Variants in GLUD1 observed in about 807,000 individuals in gnomAD.
GLUD1 encodes glutamate dehydrogenase 1, mitochondrial.
GLUD1 carries 22 observed loss-of-function variants against 56.0 expected under a neutral mutation model. The observed-to-expected ratio is 0.39, with a 90% CI of 0.28 to 0.56. The LOEUF is 0.56. Among genes scored for constraint, GLUD1 ranks in the 20% least tolerant of loss-of-function variants. The pLI is 0.58. For synonymous variants in GLUD1, 223 were observed against 269.9 expected (o/e 0.83, Z 1.70); for missense variants, 451 against 732.0 (o/e 0.62, Z 4.43).
At position 87,070,683 on chromosome 10, in the gene GLUD1, A is replaced by G. The variant is rs115878141; in HGVS notation, c.647-2526T>C. Among the ~76,000 whole-genome samples, 875 of 152,190 alleles carry G rather than the reference A, an allele frequency of 5.7e-3. 8 individuals are homozygous for G. The highest frequency in any genetic ancestry group is 0.019 in the African/African-American group (776 of 41,568). On this transcript the variant is annotated intron_variant, in intron 4 of 12. Transcript: ENST00000277865. ...GAAACACATGGTTTGTAAATCAGAA[A>G]CACGTAATGATAAAATCCTTCTCAA...
At chr10:87,060,573 G>C (rs909310506) in intron 8 of GLUD1, 115 bp downstream of exon 8, 1 of 1,233,934 alleles carries the variant, frequency 8.1e-7, no homozygotes, top group Non-Finnish European at 1.2e-6. Context: ...GGTATGTGCA[G>C]TATGTGCCAA....
At chr10:87,092,656 T>C (rs1282181029) in intron 1 of GLUD1, 1 of 969,190 alleles carries the variant, frequency 1.0e-6, no homozygotes, top group African/African-American at 1.8e-5. Context: ...GCTGGGCATC[T>C]GAAGAATCGA....
At chr10:87,059,007 TAA>T (rs2133791837) in intron 10 of GLUD1, 141 bp downstream of exon 10, 2 of 971,582 alleles carry the variant, frequency 2.1e-6, no homozygotes, top group East Asian at 4.8e-5. Context: ...ATTTTTGGTC[TAA>T]GTTTCATGAG....
At chr10:87,089,651 G>C in intron 1 of GLUD1, 1 of 984,454 alleles carries the variant, frequency 1.0e-6, no homozygotes, top group Non-Finnish European at 1.2e-6. Flanking sequence ...AAAGATAATC[G>C]GAAGGTCTTG....
chr10:87,068,243 A>G, intron 4 of GLUD1, 86 bp from the exon 5 acceptor site: 1 of 805,322 alleles, frequency 1.2e-6, no homozygotes, highest in Non-Finnish European at 2.2e-6. Flanking sequence ...TCTCTGTAAT[A>G]ACCAAGTTAC....
At chr10:87,073,655 G>T (rs1486738029) in intron 4 of GLUD1, among the ~76,000 whole-genome samples, 4 of 106,828 alleles carry the variant, frequency 3.7e-5, no homozygotes, top group African/African-American at 1.5e-4. Context: ...GTCTCGCTCT[G>T]TTGCCCAGGC....
chr10:87,094,194 C>A lies in GLUD1; in HGVS notation c.445+131G>T. ...GCCGGCCACATCCGAGGCGGGGTGA[C>A]CCGGGCGGGGACCCGGCCCGCTCCA... On this transcript the variant is annotated intron_variant, in intron 1 of 12. Transcript: ENST00000277865. This position sits in a 1 kb window ranked among gnomAD's most constrained non-coding sequence, Gnocchi z 6.6. 2 of 1,389,904 alleles carry A rather than the reference C, an allele frequency of 1.4e-6. No individual in the cohort carries two copies. The highest frequency in any genetic ancestry group is 2.9e-5 in the South Asian group (2 of 68,642). 86.1% of individuals were successfully genotyped at this position (1,389,904 alleles called of 1,614,324 possible).
chr10:87,094,702 G>T lies in GLUD1; in HGVS notation c.68C>A (p.Ser23Tyr). Residue 23 changes from serine to tyrosine, a missense_variant, in exon 1 of 13, where the codon TCC (serine) becomes TAC (tyrosine). Around this residue, in one of 4 missense-constraint regions of GLUD1, gnomAD observed 158 missense variants for 189.7 expected, o/e 0.83. Coordinates refer to ENST00000277865, the MANE Select transcript of GLUD1 (RefSeq NM_005271.5). This position sits in a 1 kb window ranked among gnomAD's most constrained non-coding sequence, Gnocchi z 6.6. The stretch of plus-strand genomic sequence containing the variant: ...GCCCAGCAACGCGGCCGAGTCGGCG[G>T]ACGCCGAGCCCAGGGCAGCGGGCCC... ...RAGPAALGSA[S>Y]ADSAALLGWA... The T allele has an allele frequency of 6.7e-7, 1 of 1,498,916 alleles. No individual in the cohort carries two copies. The highest frequency in any genetic ancestry group is 1.3e-5 in the South Asian group (1 of 79,860). 92.9% of individuals were successfully genotyped at this position (1,498,916 alleles called of 1,614,324 possible). A position where few individuals can be genotyped will look rare whatever the true frequency, so the allele number is the denominator to read the frequency against.
Position 87,074,540 on chromosome 10 carries a change from G to A in GLUD1, c.646+11C>T, listed in dbSNP as rs775249187. The A allele has an allele frequency of 6.6e-7, 1 of 1,509,072 alleles. No homozygotes were observed. The highest frequency in any genetic ancestry group is 1.7e-5 in the Admixed American group (1 of 59,886). 93.5% of individuals were successfully genotyped at this position (1,509,072 alleles called of 1,614,324 possible). On this transcript the variant is annotated intron_variant, in intron 4 of 12. Coordinates refer to ENST00000277865, the MANE Select transcript of GLUD1 (RefSeq NM_005271.5). The stretch of plus-strand genomic sequence containing the variant: ...CCCACTTTATACCAAAAACTATGTG[G>A]CTACACATACCAATAAAGCCCTTTT...
intron 1 of GLUD1, among the ~76,000 whole-genome samples, chr10:87,080,363 G>A (rs538203840): frequency 2.6e-5 from 4 of 151,892 alleles, no homozygotes; most frequent in East Asian, 2.0e-4. Context: ...CCGCCACCCC[G>A]TCTAGGAAGT....
At chr10:87,069,650 T>C (rs933900451) in intron 4 of GLUD1, among the ~76,000 whole-genome samples, 1 of 152,178 alleles carries the variant, frequency 6.6e-6, no homozygotes, top group Non-Finnish European at 1.5e-5. Context: ...TTGTAATGTT[T>C]TTCTATAACT....
chr10:87,094,832 G>T lies in GLUD1; in HGVS notation c.-63C>A, dbSNP rs1841691129. ...ACAGGCGCGCTTTCTCAGACTCCCC[G>T]CGACTAGGGAGGAAGGGTCCCGCGC... is the stretch of plus-strand genomic sequence containing the variant. On this transcript the variant is annotated 5_prime_UTR_variant, in exon 1 of 13. Coordinates refer to ENST00000277865, the MANE Select transcript of GLUD1 (RefSeq NM_005271.5). The surrounding 1 kb of genome is among the most constrained non-coding windows in gnomAD (Gnocchi z 6.6). 4 of 1,303,592 alleles carry T rather than the reference G, an allele frequency of 3.1e-6. No individual in the cohort carries two copies. Among genetic ancestry groups the T allele is most frequent in the Non-Finnish European group, 3.2e-6 (3 of 948,822 alleles). The allele number at this position is 1,303,592 out of a possible 1,614,324, so 80.8% of individuals were successfully genotyped here. A position where few individuals can be genotyped will look rare whatever the true frequency, so the allele number is the denominator to read the frequency against.
At chr10:87,063,067 T>C (rs1367200994) in intron 5 of GLUD1, among the ~76,000 whole-genome samples, 1 of 119,608 alleles carries the variant, frequency 8.4e-6, no homozygotes, top group Non-Finnish European at 2.0e-5. Flanking sequence ...GTTTTTTTTT[T>C]TGTTTGTTTG....
intron 1 of GLUD1, chr10:87,089,747 C>T (rs889092285): frequency 4.6e-5 from 45 of 976,688 alleles, no homozygotes; most frequent in Non-Finnish European, 5.5e-5. Context: ...TTAACAATTC[C>T]GACTTGATAG....
chr10:87,074,704 C>A, intron 3 of GLUD1, 90 bp from the exon 4 acceptor site: 1 of 786,478 alleles, frequency 1.3e-6, no homozygotes. Context: ...ATTTATAGTA[C>A]ATTTTCATAT....
At chr10:87,075,907 C>CT in intron 3 of GLUD1, 61 bp downstream of exon 3, 1 of 1,152,230 alleles carries the variant, frequency 8.7e-7, no homozygotes, top group Non-Finnish European at 1.3e-6. Context: ...GAGGAAGACT[C>CT]TGTCTCAGAA....
intron 1 of GLUD1, among the ~76,000 whole-genome samples, chr10:87,081,038 C>T (rs1462753855): frequency 1.7e-4 from 21 of 124,284 alleles, no homozygotes; most frequent in African/African-American, 5.6e-4. Context: ...GCCCCCCGCC[C>T]GGCCAGCCGC....
intron 1 of GLUD1, among the ~76,000 whole-genome samples, chr10:87,086,542 G>A (rs2133852758): frequency 6.6e-6 from 1 of 152,184 alleles, no homozygotes; most frequent in South Asian, 2.1e-4. Flanking sequence ...GGAAAAAATT[G>A]GCCTGGCGCG....
chr10:87,086,581 T>A (rs1255278977), intron 1 of GLUD1, among the ~76,000 whole-genome samples: 2 of 151,576 alleles, frequency 1.3e-5, no homozygotes, highest in African/African-American at 4.9e-5. Context: ...CCCAGCACTT[T>A]GGGAGGCCGA....
Sources: gnomAD v4.1 joint callset for allele counts (sites outside exome capture counted in the v4.1 genomes callset) on GRCh38, gnomAD v4.1.1 for gene constraint, gnomAD v4.1.1 regional missense constraint, Gnocchi (gnomAD v3.1) non-coding constraint, MANE v1.5 for transcripts, NCBI Gene and HGNC (gene_info 2026-07-23, HGNC 2026-07-21) for gene names.